Variants in CEP350 observed in about 807,000 individuals in gnomAD.
CEP350 encodes the protein centrosomal protein 350.
A neutral mutation model predicts 331.8 loss-of-function variants in CEP350; 126 were observed. The observed-to-expected ratio is 0.38, with a 90% CI of 0.33 to 0.44. CEP350 has a LOEUF of 0.44. Ranked by LOEUF, CEP350 falls within the 20% of genes least tolerant of loss-of-function variation. The pLI is 1.00. For missense variants in CEP350, 3,406 were observed against 3,634.6 expected, an observed-to-expected ratio of 0.94 and a Z score of 1.62; for synonymous variants, 1,200 against 1,259.5, an observed-to-expected ratio of 0.95 and a Z score of 1.00.
intron 1 of CEP350, among the ~76,000 whole-genome samples, chr1:179,979,807 C>T (rs1027041879): frequency 9.2e-5 from 14 of 152,076 alleles, no homozygotes; most frequent in Non-Finnish European, 1.5e-4. Flanking sequence ...AAGAGACTAT[C>T]CCCAATGAAT....
chr1:180,000,914 A>G (rs12135828), intron 6 of CEP350: 23,012 of 152,192 alleles, frequency 0.15, 1,904 homozygotes, highest in African/African-American at 0.2. Context: ...TTTCCCTTAT[A>G]TAGATATAGA....
rs1051782188 is a variant in CEP350, at chr1:180,112,964, T to C, written c.*1803T>C. 6.6e-6 allele frequency: 1 copy of C among 152,660 alleles called. No individual in the cohort carries two copies. Among genetic ancestry groups the C allele is most frequent in the Non-Finnish European group, 1.5e-5 (1 of 68,040 alleles). 9.5% of individuals were successfully genotyped at this position (152,660 alleles called of 1,614,324 possible). On this transcript the variant is annotated 3_prime_UTR_variant, in exon 38 of 38. Transcript: ENST00000367607. ...AGCACTGAAATGTTGTGATTGGGTC[T>C]CGGGAAATGCTCAGATTGATGTCTT...
At chr1:180,100,870 G>T (rs1311457542) in intron 37 of CEP350, among the ~76,000 whole-genome samples, 1 of 152,204 alleles carries the variant, frequency 6.6e-6, no homozygotes. Context: ...AGAATAGCAT[G>T]GGAAAGACTC....
chr1:179,962,315 G>T (rs139571872), intron 1 of CEP350, among the ~76,000 whole-genome samples: 1 of 152,276 alleles, frequency 6.6e-6, no homozygotes, highest in Non-Finnish European at 1.5e-5. Context: ...TGCTCCAAAG[G>T]ACATGATTTC....
intron 1 of CEP350, among the ~76,000 whole-genome samples, chr1:179,961,110 C>T (rs1035078418): frequency 2.6e-5 from 4 of 151,866 alleles, no homozygotes; most frequent in Non-Finnish European, 5.9e-5. Flanking sequence ...TATGTGTATA[C>T]ATATAATGAA....
intron 9 of CEP350, 134 bp downstream of exon 9, chr1:180,012,209 A>T (rs571978909): frequency 7.9e-6 from 6 of 762,632 alleles, no homozygotes; most frequent in Non-Finnish European, 1.2e-5. Context: ...AAAAAGAAAA[A>T]AATGTTCTAT....
intron 17 of CEP350, 129 bp from the exon 18 acceptor site, chr1:180,041,009 A>T: frequency 1.5e-6 from 1 of 652,330 alleles, no homozygotes; most frequent in Non-Finnish European, 2.6e-6. Context: ...TATTTTTACT[A>T]TCTTTCCTTT....
Position 180,111,165 on chromosome 1 carries a change from C to T in CEP350, c.*4C>T. ...GGGGAGAATGCTACTTGTGTGACAT[C>T]TTGCAAATAAATCGAACGCTGAGTG... On this transcript the variant is annotated 3_prime_UTR_variant, in exon 38 of 38. Transcript: ENST00000367607. 1 of 1,613,408 alleles carries T rather than the reference C, an allele frequency of 6.2e-7. No individual in the cohort carries two copies.
rs1443054897 is a variant in CEP350 at position 180,020,990 on chromosome 1, C to T, written c.3216C>T (p.Ser1072=). 1.4e-5 allele frequency: 22 copies of T among 1,548,914 alleles called. No homozygotes were observed. The highest frequency in any genetic ancestry group is 2.3e-5 in the East Asian group (1 of 43,996). Residue 1072 remains serine (S), a synonymous_variant, in exon 12 of 38, where the codon TCC becomes TCT. Transcript: ENST00000367607. ...PHSVINIFTK[S]YQLYGKGFED... is the part of the protein sequence containing the mutation. ...GCGTCATTAATATTTTTACAAAATC[C>T]TATCAGTTATATGGAAAAGGTGAGA...
intron 28 of CEP350, among the ~76,000 whole-genome samples, chr1:180,077,281 A>G (rs1436756503): frequency 7.2e-5 from 11 of 152,188 alleles, no homozygotes; most frequent in Admixed American, 2.6e-4. Flanking sequence ...GAAACAATAT[A>G]TAATAGAAAC....
Position 180,020,160 on chromosome 1 carries a change from C to T in CEP350, c.2386C>T (p.Pro796Ser), listed in dbSNP as rs769859470. ...GGCTTCAAGGCCATTAACTTTTACA[C>T]CTCAACCATATGTGACCTCACCAGC... Reference protein sequence around the residue: ...NMASRPLTFTPQPYVTSPAAY... With the variant: ...NMASRPLTFTSQPYVTSPAAY... Residue 796 changes from proline to serine, a missense_variant, in exon 12 of 38, where the codon CCT becomes TCT. Pro to Ser is a moderately conservative substitution (Grantham distance 74, BLOSUM62 -1). Around this residue, in one of 5 missense-constraint regions of CEP350, gnomAD observed 1,857 missense variants for 1,909.2 expected, o/e 0.97. Coordinates refer to ENST00000367607, the MANE Select transcript of CEP350 (RefSeq NM_014810.5). 1.3e-5 allele frequency: 21 copies of T among 1,613,870 alleles called. No individual in the cohort carries two copies. The South Asian group carries it at 2.2e-4, about 17-fold the overall frequency.
At chr1:180,077,125 C>G (rs1659270685) in intron 28 of CEP350, among the ~76,000 whole-genome samples, 1 of 151,914 alleles carries the variant, frequency 6.6e-6, no homozygotes, top group Admixed American at 6.6e-5. Context: ...CATAGGTAAT[C>G]CAGAATTTAC....
chr1:180,096,074 A>G lies in CEP350; in HGVS notation c.8956A>G (p.Ile2986Val). Reference protein sequence around the residue: ...FDLTKEIFEEIFAEDPNLNQP... With the variant: ...FDLTKEIFEEVFAEDPNLNQP... The stretch of plus-strand genomic sequence containing the variant: ...TTTAACAAAAGAGATTTTTGAGGAA[A>G]TATTTGCTGAGGATCCCAACTTAAA... Residue 2986 changes from isoleucine (I) to valine (V), a missense_variant, in exon 36 of 38, where the codon ATA becomes GTA. Around this residue, in one of 5 missense-constraint regions of CEP350, gnomAD observed 1,415 missense variants for 1,512.3 expected, o/e 0.94. Coordinates refer to ENST00000367607, the MANE Select transcript of CEP350 (RefSeq NM_014810.5). 1.3e-6 allele frequency: 2 copies of G among 1,553,536 alleles called. No homozygotes were observed. Among genetic ancestry groups the G allele is most frequent in the Non-Finnish European group, 1.7e-6 (2 of 1,147,726 alleles).
intron 1 of CEP350, among the ~76,000 whole-genome samples, chr1:179,962,657 C>T (rs921363427): frequency 1.3e-5 from 2 of 152,160 alleles, no homozygotes; most frequent in Non-Finnish European, 2.9e-5. Flanking sequence ...ATCTGCCCAC[C>T]TCGGCCTCCC....
At chr1:180,089,918 C>T (rs748146316) in intron 32 of CEP350, among the ~76,000 whole-genome samples, 1 of 152,118 alleles carries the variant, frequency 6.6e-6, no homozygotes, top group Non-Finnish European at 1.5e-5. Context: ...AAAATAGCAA[C>T]ATTTTAGGGC....
At position 180,112,163 on chromosome 1, in the gene CEP350, T is replaced by A. The variant is rs531848201; in HGVS notation, c.*1002T>A. Reference sequence around the variant, plus strand: ...TTGTTTTGCGCTATGGAACATTTTTTAATTTATTTTAAGATAAATTATTAA... The same window carrying A: ...TTGTTTTGCGCTATGGAACATTTTTAAATTTATTTTAAGATAAATTATTAA... On this transcript the variant is annotated 3_prime_UTR_variant, in exon 38 of 38. Coordinates refer to ENST00000367607, the MANE Select transcript of CEP350 (RefSeq NM_014810.5). The A allele has an allele frequency of 7.9e-5, 12 of 152,812 alleles. No homozygotes were observed. Among genetic ancestry groups the A allele is most frequent in the East Asian group, 5.8e-4 (3 of 5,194 alleles). The allele number at this position is 152,812 out of a possible 1,614,324, so 9.5% of individuals were successfully genotyped here.
At chr1:180,080,990 G>A (rs567265739) in intron 30 of CEP350, among the ~76,000 whole-genome samples, 1 of 151,980 alleles carries the variant, frequency 6.6e-6, no homozygotes, top group Admixed American at 6.5e-5. Context: ...CTCCCGAGAA[G>A]CTGGGATTAC....
chr1:180,059,537 G>C (rs777289178), intron 25 of CEP350, among the ~76,000 whole-genome samples: 1 of 151,878 alleles, frequency 6.6e-6, no homozygotes, highest in Admixed American at 6.6e-5. Flanking sequence ...TGACAGAAAC[G>C]GGAAATCCAT....
At chr1:180,060,972 T>C (rs1658194901) in intron 25 of CEP350, among the ~76,000 whole-genome samples, 1 of 152,296 alleles carries the variant, frequency 6.6e-6, no homozygotes, top group African/African-American at 2.4e-5. Context: ...GATTGCAGAC[T>C]AGTTTTATCT....
Sources: gnomAD v4.1 joint callset for allele counts (sites outside exome capture counted in the v4.1 genomes callset) on GRCh38, gnomAD v4.1.1 for gene constraint, gnomAD v4.1.1 regional missense constraint, MANE v1.5 for transcripts, NCBI Gene and HGNC (gene_info 2026-07-23, HGNC 2026-07-21) for gene names.